ARHGEF17: variants seen among roughly 807,000 people sequenced by gnomAD.
ARHGEF17 encodes the protein 164 kDa Rho-specific guanine-nucleotide exchange factor.
ARHGEF17 carries 80 observed loss-of-function variants against 174.0 expected under a neutral mutation model. The observed-to-expected ratio is 0.46, with a 90% confidence interval of 0.38 to 0.55. The LOEUF is 0.55. Among genes scored for constraint, ARHGEF17 ranks in the 20% least tolerant of loss-of-function variants. The pLI is 0.00. For synonymous variants in ARHGEF17, 1,311 were observed against 1,189.1 expected, an observed-to-expected ratio of 1.10 and a Z score of -2.11; for missense variants, 2,886 against 2,839.7, an observed-to-expected ratio of 1.02 and a Z score of -0.37.
rs144411376 is a variant in ARHGEF17, at chr11:73,360,630, G to A, written c.4420+97G>A. ...GTCTGTGACTTCAGGAGCCAGAACC[G>A]CAGTGCCCTGTGCTCCGGCTCCACC... On this transcript the variant is annotated intron_variant, in intron 11 of 20. Transcript: ENST00000263674. 2,448 of 1,314,646 alleles carry A rather than the reference G, an allele frequency of 1.9e-3. 40 individuals are homozygous for A. In the African/African-American group the frequency reaches 0.032, roughly 17 times the overall value. 81.4% of individuals were successfully genotyped at this position (1,314,646 alleles called of 1,614,324 possible).
chr11:73,354,137 T>C (rs755908778), intron 3 of ARHGEF17, among the ~76,000 whole-genome samples: 16 of 152,248 alleles, frequency 1.1e-4, no homozygotes, highest in Non-Finnish European at 2.4e-4. Flanking sequence ...TAGAATGTCC[T>C]TGCTGACCCA....
rs1173200688 is a variant in ARHGEF17 at position 73,359,872 on chromosome 11, G to T, written c.4126G>T (p.Ala1376Ser). ...CACCAATCGGGAGAACATCCAGAAG[G>T]CCATCAGCCGCCTTGATGAGGACCT... is the stretch of plus-strand genomic sequence containing the variant. ...QATNRENIQKAISRLDEDLTT... is the reference protein window; with the variant it reads ...QATNRENIQKSISRLDEDLTT... The change falls in exon 10 of 21, where the codon GCC (alanine) becomes TCC (serine). Residue 1376 changes from alanine to serine, a missense_variant. Coordinates refer to ENST00000263674, the MANE Select transcript of ARHGEF17 (RefSeq NM_014786.4). The T allele has an allele frequency of 2.5e-6, 4 of 1,613,280 alleles. No individual in the cohort carries two copies. The Admixed American group carries it at 5.0e-5, about 20-fold the overall frequency.
At chr11:73,366,119 TTGTG>T (rs111678539) in intron 20 of ARHGEF17, among the ~76,000 whole-genome samples, 172 bp downstream of exon 20, 263 of 150,186 alleles carry the variant, frequency 1.8e-3, no homozygotes, top group Middle Eastern at 0.01. Context: ...TCTAGGATAG[TTGTG>T]TGTGTGTGTG....
intron 1 of ARHGEF17, among the ~76,000 whole-genome samples, chr11:73,332,326 A>G (rs949995473): frequency 6.8e-6 from 1 of 147,836 alleles, no homozygotes; most frequent in Non-Finnish European, 1.5e-5. Context: ...ATGTTCTGGT[A>G]TATTTCCCTC....
chr11:73,324,109 C>T (rs761828885), intron 1 of ARHGEF17, among the ~76,000 whole-genome samples: 1 of 152,166 alleles, frequency 6.6e-6, no homozygotes, highest in Non-Finnish European at 1.5e-5. Flanking sequence ...AGGGCAGAGT[C>T]CCCCTCAGCT....
chr11:73,338,886 T>G (rs1281187982), intron 1 of ARHGEF17, among the ~76,000 whole-genome samples: 1 of 151,852 alleles, frequency 6.6e-6, no homozygotes, highest in Non-Finnish European at 1.5e-5. Flanking sequence ...ATAATAGAGT[T>G]CTTGATGTGG....
Position 73,311,680 on chromosome 11 carries a change from G to C in ARHGEF17, c.3042G>C (p.Leu1014=), listed in dbSNP as rs755554849. Residue 1014 remains leucine (L), a synonymous_variant, in exon 1 of 21, where the codon CTG becomes CTC. Transcript: ENST00000263674. ...EDVTKQYMLN[L]HSGEVPAPVP... is the part of the protein sequence containing the mutation. ...TCACCAAGCAGTACATGCTGAACCTGCACTCCGGTGAGGTCCCTGCCCCAG... is the reference window on the plus strand; with the variant it reads ...TCACCAAGCAGTACATGCTGAACCTCCACTCCGGTGAGGTCCCTGCCCCAG... 6.2e-7 allele frequency: 1 copy of C among 1,613,426 alleles called. No individual in the cohort carries two copies. Among genetic ancestry groups the C allele is most frequent in the Admixed American group, 1.7e-5 (1 of 60,028 alleles).
chr11:73,333,380 G>A (rs548238295), intron 1 of ARHGEF17, among the ~76,000 whole-genome samples: 10 of 152,200 alleles, frequency 6.6e-5, no homozygotes, highest in East Asian at 1.9e-4. Context: ...ACGCGCGCGC[G>A]CACTCACACG....
Position 73,309,986 on chromosome 11 carries a change from G to A in ARHGEF17, c.1348G>A (p.Gly450Arg), listed in dbSNP as rs1864784416. The change falls in exon 1 of 21, where the codon GGA becomes AGA. Residue 450 changes from glycine (G) to arginine (R), a missense_variant. By Grantham distance (125) the Gly-to-Arg change is moderately radical. Transcript: ENST00000263674. ...GGTSRALRDG[G>R]FEPEKSRQRK... The stretch of plus-strand genomic sequence containing the variant: ...CACCTCTAGGGCATTGAGGGATGGA[G>A]GATTTGAGCCTGAAAAGAGTCGACA... 1.9e-6 allele frequency: 3 copies of A among 1,614,054 alleles called. No individual in the cohort carries two copies. The highest frequency in any genetic ancestry group is 2.5e-6 in the Non-Finnish European group (3 of 1,180,000).
Position 73,356,188 on chromosome 11 carries a change from A to T in ARHGEF17, c.3677A>T (p.His1226Leu). The change falls in exon 6 of 21, where the codon CAT becomes CTT. Residue 1226 changes from histidine (H) to leucine (L), a missense_variant. Around this residue, in one of 4 missense-constraint regions of ARHGEF17, gnomAD observed 353 missense variants for 470.3 expected, o/e 0.75. Transcript: ENST00000263674. ...YELLVKDLLK[H>L]TPEDHPDHPL... ...TTCCCACCCCAGGACCTCCTGAAGC[A>T]TACACCTGAGGACCACCCGGACCAT... is the stretch of plus-strand genomic sequence containing the variant. 6.2e-7 allele frequency: 1 copy of T among 1,613,932 alleles called. No individual in the cohort carries two copies. Among genetic ancestry groups the T allele is most frequent in the Non-Finnish European group, 8.5e-7 (1 of 1,180,010 alleles).
At chr11:73,341,191 A>G (rs915129725) in intron 1 of ARHGEF17, among the ~76,000 whole-genome samples, 2 of 152,234 alleles carry the variant, frequency 1.3e-5, no homozygotes, top group Non-Finnish European at 2.9e-5. Context: ...TGGTTAAGGT[A>G]AGGAAAACTG....
chr11:73,317,543 A>C (rs924647525), intron 1 of ARHGEF17, among the ~76,000 whole-genome samples: 2 of 152,196 alleles, frequency 1.3e-5, no homozygotes, highest in Non-Finnish European at 1.5e-5. Flanking sequence ...GGGGGAGCCA[A>C]TGTTTCCCAG....
In ARHGEF17 at chr11:73,308,501, C is replaced by T. The variant is rs1864728506; in HGVS notation, c.-138C>T. On this transcript the variant is annotated 5_prime_UTR_variant, in exon 1 of 21. Coordinates refer to ENST00000263674, the MANE Select transcript of ARHGEF17 (RefSeq NM_014786.4). ...TTGAGCCGCGGCAGAGAAACCTCTG[C>T]TCCGGTCTCTGCGTCCTCTTCCCAC... 2 of 759,572 alleles carry T rather than the reference C, an allele frequency of 2.6e-6. No individual in the cohort carries two copies. Among genetic ancestry groups the T allele is most frequent in the Non-Finnish European group, 3.8e-6 (2 of 531,540 alleles). 47.1% of individuals were successfully genotyped at this position (759,572 alleles called of 1,614,324 possible).
chr11:73,365,720 G>A lies in ARHGEF17; in HGVS notation c.5768G>A (p.Arg1923Gln), dbSNP rs1865825449. 3 of 1,613,622 alleles carry A rather than the reference G, an allele frequency of 1.9e-6. No homozygotes were observed. Among genetic ancestry groups the A allele is most frequent in the East Asian group, 2.2e-5 (1 of 44,894 alleles). ...CGGCAGCACAAGGCTGCCTGTCTGC[G>A]AATCACAGCGCTGCTGGTGTGTGAG... ...IIRQHKAACL[R>Q]ITALLVCEEL... The change falls in exon 20 of 21, where the codon CGA becomes CAA. Residue 1923 changes from arginine (R) to glutamine (Q), a missense_variant. Physicochemically the swap from Arg to Gln is conservative, Grantham distance 43. Around this residue, in one of 4 missense-constraint regions of ARHGEF17, gnomAD observed 329 missense variants for 435.2 expected, o/e 0.76. Transcript: ENST00000263674. The surrounding 1 kb of genome is among the most constrained non-coding windows in gnomAD (Gnocchi z 4.9).
intron 1 of ARHGEF17, among the ~76,000 whole-genome samples, chr11:73,331,986 C>G (rs1380949185): frequency 1.3e-5 from 2 of 152,160 alleles, no homozygotes; most frequent in Non-Finnish European, 2.9e-5. Flanking sequence ...GCTACCATGG[C>G]CCCATGGGAG....
intron 14 of ARHGEF17, 49 bp downstream of exon 14, chr11:73,362,783 C>A: frequency 6.4e-7 from 1 of 1,569,728 alleles, no homozygotes. Context: ...GCAGGGTGGA[C>A]TGCCCAGAGG....
chr11:73,311,341 A>G lies in ARHGEF17; in HGVS notation c.2703A>G (p.Arg901=), dbSNP rs1443542260. 3.1e-6 allele frequency: 5 copies of G among 1,613,334 alleles called. No homozygotes were observed. Among genetic ancestry groups the G allele is most frequent in the Admixed American group, 3.3e-5 (2 of 60,026 alleles). The change falls in exon 1 of 21, where the codon CGA becomes CGG. Residue 901 remains arginine (R), a synonymous_variant. Transcript: ENST00000263674. The part of the protein sequence containing the change: ...EALPPPATAH[R]NFHLDPKLAD... ...TGCCTCCCCCTGCCACTGCCCACCG[A>G]AACTTTCACCTTGACCCCAAGCTGG...
chr11:73,357,078 C>T lies in ARHGEF17; in HGVS notation c.3945C>T (p.Ile1315=), dbSNP rs531570951. 5 of 1,614,200 alleles carry T rather than the reference C, an allele frequency of 3.1e-6. No individual in the cohort carries two copies. Among genetic ancestry groups the T allele is most frequent in the East Asian group, 2.2e-5 (1 of 44,878 alleles). Residue 1315 remains isoleucine, a synonymous_variant, in exon 8 of 21, where the codon ATC becomes ATT. Transcript: ENST00000263674. ...DRSLFLFTDL[I]VCTTLKRKSG... ...CTCTCTTCCTGTTCACGGACCTCAT[C>T]GTCTGCACCACTCTGAAGCGAAAGT...
chr11:73,346,734 G>A (rs1016016355), intron 1 of ARHGEF17, 149 bp from the exon 2 acceptor site: 4 of 547,770 alleles, frequency 7.3e-6, no homozygotes, highest in African/African-American at 5.9e-5. Flanking sequence ...GGGCCTCGGG[G>A]GAACAGCCCG....
Sources: gnomAD v4.1 joint callset for allele counts (sites outside exome capture counted in the v4.1 genomes callset) on GRCh38, gnomAD v4.1.1 for gene constraint, gnomAD v4.1.1 regional missense constraint, Gnocchi (gnomAD v3.1) non-coding constraint, MANE v1.5 for transcripts, NCBI Gene and HGNC (gene_info 2026-07-23, HGNC 2026-07-21) for gene names.